Variants in MED27 observed in about 807,000 individuals in gnomAD.
The protein encoded by MED27 is mediator of RNA polymerase II transcription subunit 27.
In MED27, 30 loss-of-function variants were observed where a neutral mutation model predicts 38.2. That is an observed-to-expected ratio of 0.79 (90% CI 0.59 to 1.07). MED27 has a LOEUF of 1.07. Among genes scored for constraint, MED27 ranks in the 50% least tolerant of loss-of-function variants. The pLI is 0.00. For missense variants in MED27, 289 were observed against 397.5 expected (o/e 0.73, Z 2.32); for synonymous variants, 122 against 153.5 (o/e 0.79, Z 1.52).
rs180938429 is a variant in MED27, at chr9:131,949,016, C to T, written c.480-9542G>A. Among the ~76,000 whole-genome samples, 5 of 152,334 alleles carry T rather than the reference C, an allele frequency of 3.3e-5. No individual in the cohort carries two copies. The East Asian group carries it at 9.6e-4, about 29-fold the overall frequency. On this transcript the variant is annotated intron_variant, in intron 3 of 7. Coordinates refer to ENST00000292035, the MANE Select transcript of MED27 (RefSeq NM_004269.4). Reference sequence around the variant, plus strand: ...AACCAACCTGCCTACCTTCTTCCTGCTACGGGGTGTCAAGTCGCCCTTTGA... The same window carrying T: ...AACCAACCTGCCTACCTTCTTCCTGTTACGGGGTGTCAAGTCGCCCTTTGA...
chr9:131,945,289 GTTTA>G (rs918919324), intron 3 of MED27, among the ~76,000 whole-genome samples: 21 of 151,660 alleles, frequency 1.4e-4, no homozygotes, highest in African/African-American at 4.1e-4. Context: ...GCTAGTTTTT[GTTTA>G]TTTATTTTTT....
Position 131,927,604 on chromosome 9 carries a change from G to T in MED27, c.573+11777C>A, listed in dbSNP as rs1830505144. Among the ~76,000 whole-genome samples, 6 of 152,262 alleles carry T rather than the reference G, an allele frequency of 3.9e-5. No homozygotes were observed. In the South Asian group the frequency reaches 1.0e-3, roughly 26 times the overall value. On this transcript the variant is annotated intron_variant, in intron 4 of 7. Coordinates refer to ENST00000292035, the MANE Select transcript of MED27 (RefSeq NM_004269.4). ...CCTGTGGGTTCACAATTGTGAAGGG[G>T]CCTCCAGCATGTGCTCCATATCAAA...
intron 5 of MED27, among the ~76,000 whole-genome samples, chr9:131,890,754 C>T (rs1839214846): frequency 1.3e-5 from 2 of 152,094 alleles, no homozygotes; most frequent in Admixed American, 1.3e-4. Context: ...GAGATCCAGC[C>T]CTGTGTGGCT....
chr9:131,961,911 C>T (rs1281805310), intron 3 of MED27, among the ~76,000 whole-genome samples: 1 of 152,124 alleles, frequency 6.6e-6, no homozygotes, highest in African/African-American at 2.4e-5. Flanking sequence ...AAATATATTC[C>T]AAAAGTTGAT....
intron 3 of MED27, among the ~76,000 whole-genome samples, chr9:132,012,284 G>A (rs148023922): frequency 1.8e-4 from 28 of 152,284 alleles, no homozygotes; most frequent in African/African-American, 4.6e-4. Flanking sequence ...TCACCAAATC[G>A]ACACATGAGA....
intron 5 of MED27, 93 bp from the exon 6 acceptor site, chr9:131,884,192 CTTGAAA>C: frequency 1.1e-6 from 1 of 936,506 alleles, no homozygotes; most frequent in South Asian, 2.3e-5. Flanking sequence ...CCTTCTTAAA[CTTGAAA>C]AAAAAATCTG....
chr9:131,963,277 T>C (rs1040372300), intron 3 of MED27, among the ~76,000 whole-genome samples: 1 of 152,132 alleles, frequency 6.6e-6, no homozygotes, highest in African/African-American at 2.4e-5. Flanking sequence ...GATTAAGTTT[T>C]AGCGTAGAGA....
intron 3 of MED27, among the ~76,000 whole-genome samples, chr9:131,952,648 G>C (rs1831021897): frequency 6.6e-6 from 1 of 152,182 alleles, no homozygotes; most frequent in Non-Finnish European, 1.5e-5. Context: ...TGGAAAAGCA[G>C]TGAGGTCAGG....
At chr9:131,976,580 C>G (rs530030468) in intron 3 of MED27, among the ~76,000 whole-genome samples, 1 of 152,170 alleles carries the variant, frequency 6.6e-6, no homozygotes, top group East Asian at 1.9e-4. Flanking sequence ...TACAAATAGG[C>G]CTTGCCAATG....
At chr9:131,959,082 T>A (rs999498273) in intron 3 of MED27, among the ~76,000 whole-genome samples, 2 of 152,230 alleles carry the variant, frequency 1.3e-5, no homozygotes, top group Non-Finnish European at 2.9e-5. Flanking sequence ...TCTTTTCATG[T>A]TGAATGGGAA....
At chr9:132,076,854 C>T (rs1009854310) in intron 2 of MED27, among the ~76,000 whole-genome samples, 2 of 152,340 alleles carry the variant, frequency 1.3e-5, no homozygotes, top group African/African-American at 2.4e-5. Flanking sequence ...TTGCAACTTA[C>T]AGCTGTCCTA....
intron 4 of MED27, among the ~76,000 whole-genome samples, chr9:131,928,628 A>G (rs1830524628): frequency 6.6e-6 from 1 of 152,232 alleles, no homozygotes; most frequent in African/African-American, 2.4e-5. Flanking sequence ...GAGTAAAGCC[A>G]TGCTGGGCTC....
chr9:131,948,938 T>G (rs1830935965), intron 3 of MED27, among the ~76,000 whole-genome samples: 1 of 152,138 alleles, frequency 6.6e-6, no homozygotes, highest in Non-Finnish European at 1.5e-5. Context: ...TACCCCTCCA[T>G]TTCCAGAAGT....
chr9:131,992,908 T>C (rs1289505180), intron 3 of MED27, among the ~76,000 whole-genome samples: 2 of 152,130 alleles, frequency 1.3e-5, no homozygotes, highest in Non-Finnish European at 2.9e-5. Flanking sequence ...GTGATCGCTG[T>C]ATCACAAACA....
chr9:131,961,477 C>T (rs996675159), intron 3 of MED27, among the ~76,000 whole-genome samples: 1 of 152,224 alleles, frequency 6.6e-6, no homozygotes, highest in Non-Finnish European at 1.5e-5. Context: ...AAAGCATTTA[C>T]ACTTGATTAG....
intron 4 of MED27, 39 bp downstream of exon 4, chr9:131,939,342 T>TC (rs966365908): frequency 2.1e-6 from 3 of 1,412,278 alleles, no homozygotes; most frequent in East Asian, 4.7e-5. Flanking sequence ...GTCCATTTTT[T>TC]CCCCCAACAT....
At position 131,989,035 on chromosome 9, in the gene MED27, C is replaced by T. The variant is rs150013162; in HGVS notation, c.479+25302G>A. Reference sequence around the variant, plus strand: ...CATGGTGGCTTGCTGCACCTACCAACCTGTCATCTAGGCAAACCTAGTTCT... The same window carrying T: ...CATGGTGGCTTGCTGCACCTACCAATCTGTCATCTAGGCAAACCTAGTTCT... On this transcript the variant is annotated intron_variant, in intron 3 of 7. Coordinates refer to ENST00000292035, the MANE Select transcript of MED27 (RefSeq NM_004269.4). 8.0e-4 allele frequency among the ~76,000 whole-genome samples: 122 copies of T among 152,208 alleles called. 3 individuals are homozygous for T. In the East Asian group the frequency reaches 0.021, roughly 26 times the overall value.
intron 4 of MED27, among the ~76,000 whole-genome samples, chr9:131,926,933 A>G (rs1184773836): frequency 6.6e-6 from 1 of 152,200 alleles, no homozygotes; most frequent in East Asian, 1.9e-4. Flanking sequence ...TTCTTTTCTT[A>G]CATTTTTCTA....
At chr9:131,945,344 CTGT>C (rs1261060460) in intron 3 of MED27, among the ~76,000 whole-genome samples, 3 of 151,638 alleles carry the variant, frequency 2.0e-5, no homozygotes, top group African/African-American at 7.3e-5. Context: ...CATGTACAAC[CTGT>C]TGTTTTGAAA....
Sources: allele counts gnomAD v4.1 joint callset (sites outside exome capture counted in the v4.1 genomes callset), GRCh38; gene constraint gnomAD v4.1.1; transcripts MANE v1.5; gene names NCBI Gene and HGNC (gene_info 2026-07-23, HGNC 2026-07-21).